Variants in CHN2 observed in about 807,000 individuals in gnomAD.
CHN2 encodes the protein chimerin 2.
A neutral mutation model predicts 56.3 loss-of-function variants in CHN2; 35 were observed. The observed-to-expected ratio is 0.62, with a 90% CI of 0.47 to 0.82. The LOEUF (loss-of-function observed/expected upper bound fraction) is 0.82. Among genes scored for constraint, CHN2 ranks in the 40% least tolerant of loss-of-function variants. The probability of loss-of-function intolerance (pLI) is 0.00; values close to 1 mark genes in which losing one functional copy is unlikely to be tolerated. For missense variants in CHN2, 491 were observed against 580.5 expected, an observed-to-expected ratio of 0.85 and a Z score of 1.58; for synonymous variants, 210 against 212.8, an observed-to-expected ratio of 0.99 and a Z score of 0.12.
chr7:29,344,315 A>G (rs539978435), intron 1 of CHN2, among the ~76,000 whole-genome samples: 1 of 152,174 alleles, frequency 6.6e-6, no homozygotes, highest in South Asian at 2.1e-4. Flanking sequence ...CTTCTCAAAT[A>G]CAGTCTGGAC....
intron 3 of CHN2, among the ~76,000 whole-genome samples, chr7:29,373,426 C>T (rs1562556170): frequency 6.6e-6 from 1 of 151,908 alleles, no homozygotes; most frequent in Non-Finnish European, 1.5e-5. Flanking sequence ...CTGCCTGCCT[C>T]AGCCTTCCAA....
chr7:29,242,990 A>T (rs1204286756), intron 1 of CHN2, among the ~76,000 whole-genome samples: 1 of 151,996 alleles, frequency 6.6e-6, no homozygotes, highest in East Asian at 1.9e-4. Flanking sequence ...TTATTTATAT[A>T]ATTGACAAGC....
At chr7:29,264,175 G>A (rs1447031693) in intron 1 of CHN2, among the ~76,000 whole-genome samples, 2 of 142,262 alleles carry the variant, frequency 1.4e-5, no homozygotes. Flanking sequence ...CCCTCTGCCT[G>A]GCCGCCCTGT....
intron 1 of CHN2, among the ~76,000 whole-genome samples, chr7:29,289,758 G>C (rs1046253652): frequency 1.3e-5 from 2 of 152,184 alleles, no homozygotes; most frequent in East Asian, 3.9e-4. Context: ...TATCAACGCC[G>C]CACTGTTTTG....
chr7:29,327,149 T>C (rs1254472982), intron 1 of CHN2, among the ~76,000 whole-genome samples: 1 of 152,128 alleles, frequency 6.6e-6, no homozygotes, highest in Non-Finnish European at 1.5e-5. Context: ...GTGGAGATAA[T>C]GCTGGAGAGA....
At chr7:29,449,487 T>A (rs1028254395) in intron 6 of CHN2, among the ~76,000 whole-genome samples, 3 of 152,152 alleles carry the variant, frequency 2.0e-5, no homozygotes, top group Admixed American at 2.0e-4. Context: ...ATATAAAATA[T>A]GGGAAAGTTC....
intron 6 of CHN2, among the ~76,000 whole-genome samples, chr7:29,450,527 A>G (rs557159052): frequency 7.2e-5 from 11 of 152,204 alleles, no homozygotes; most frequent in Non-Finnish European, 1.3e-4. Context: ...TGCAGCCACA[A>G]GGCCAGGCAT....
chr7:29,154,555 T>C (rs1794071200), intron 2 of CHN2, among the ~76,000 whole-genome samples: 1 of 152,072 alleles, frequency 6.6e-6, no homozygotes, highest in African/African-American at 2.4e-5. Flanking sequence ...ATTATTAGGC[T>C]GGGCACGGTG....
intron 3 of CHN2, among the ~76,000 whole-genome samples, chr7:29,386,497 A>C (rs1800926615): frequency 6.6e-6 from 1 of 152,192 alleles, no homozygotes; most frequent in South Asian, 2.1e-4. Context: ...TTGTTCTTTC[A>C]ATAATTGGAA....
chr7:29,393,770 T>G, intron 4 of CHN2, 60 bp downstream of exon 4: 1 of 599,098 alleles, frequency 1.7e-6, no homozygotes, highest in Non-Finnish European at 2.5e-6. Context: ...CATGTGTCAT[T>G]TAAATATTAC....
intron 1 of CHN2, among the ~76,000 whole-genome samples, chr7:29,324,737 T>A (rs1162564647): frequency 6.6e-6 from 1 of 152,172 alleles, no homozygotes; most frequent in Admixed American, 6.5e-5. Flanking sequence ...AACCACCCCC[T>A]GCAGGTGGTA....
intron 1 of CHN2, among the ~76,000 whole-genome samples, chr7:29,327,289 C>A (rs1251762052): frequency 2.0e-5 from 3 of 152,088 alleles, no homozygotes; most frequent in South Asian, 4.2e-4. Context: ...ATTCTCAGGC[C>A]CCATCCCAGA....
chr7:29,400,015 C>G (rs975873938), intron 5 of CHN2, among the ~76,000 whole-genome samples: 1 of 152,028 alleles, frequency 6.6e-6, no homozygotes, highest in Admixed American at 6.6e-5. Context: ...TCTGCTGCAC[C>G]AACTAGGGCG....
intron 3 of CHN2, among the ~76,000 whole-genome samples, chr7:29,386,914 A>G (rs1382723800): frequency 2.0e-5 from 3 of 152,248 alleles, no homozygotes; most frequent in African/African-American, 7.2e-5. Flanking sequence ...GACCATTCAG[A>G]TAATCTAATG....
intron 6 of CHN2, among the ~76,000 whole-genome samples, chr7:29,457,649 A>C (rs1396559452): frequency 6.6e-6 from 1 of 152,132 alleles, no homozygotes; most frequent in African/African-American, 2.4e-5. Context: ...GGCCTTGGAG[A>C]ACTCTCTCCC....
chr7:29,169,937 C>G (rs891016722), intron 2 of CHN2, among the ~76,000 whole-genome samples: 1 of 151,628 alleles, frequency 6.6e-6, no homozygotes, highest in Non-Finnish European at 1.5e-5. Context: ...GGTGCAGTGG[C>G]GCCATCATAG....
intron 1 of CHN2, among the ~76,000 whole-genome samples, chr7:29,219,108 G>A (rs1393835921): frequency 2.0e-5 from 3 of 152,244 alleles, no homozygotes; most frequent in African/African-American, 7.2e-5. Flanking sequence ...TTTTGAAACC[G>A]CAGTGGCCCA....
At chr7:29,281,383 C>T (rs530637704) in intron 1 of CHN2, among the ~76,000 whole-genome samples, 2 of 152,120 alleles carry the variant, frequency 1.3e-5, no homozygotes, top group Non-Finnish European at 1.5e-5. Context: ...CTTAAGGAAC[C>T]CCTTATTTAG....
rs776027906 is a variant in CHN2, at chr7:29,387,805, G to T, written c.145-5874G>T. The stretch of plus-strand genomic sequence containing the variant: ...GGACCCTAGGAGCACTACCAACTCA[G>T]GTCCAATTAGATAGTAACTTTCGAA... On this transcript the variant is annotated intron_variant, in intron 3 of 12. Transcript: ENST00000222792. 7.7e-4 allele frequency among the ~76,000 whole-genome samples: 117 copies of T among 152,138 alleles called. 1 individual carries two copies. Among genetic ancestry groups the T allele is most frequent in the Admixed American group, 6.5e-4 (10 of 15,276 alleles).
Sources: gnomAD v4.1 joint callset for allele counts (sites outside exome capture counted in the v4.1 genomes callset) on GRCh38, gnomAD v4.1.1 for gene constraint, MANE v1.5 for transcripts, NCBI Gene and HGNC (gene_info 2026-07-23, HGNC 2026-07-21) for gene names.